The following TRIM36 variants were observed in gnomAD, a reference collection of about 807,000 sequenced individuals.
The protein encoded by TRIM36 is tripartite motif containing 36.
A neutral mutation model predicts 72.4 loss-of-function variants in TRIM36; 42 were observed. The ratio of observed to expected loss-of-function variants is 0.58; its 90% confidence interval spans 0.45 to 0.75. TRIM36 has a LOEUF of 0.75. Among genes scored for constraint, TRIM36 ranks in the 30% least tolerant of loss-of-function variants. TRIM36 has a pLI of 0.00. For synonymous variants in TRIM36, 315 were observed against 282.8 expected (o/e 1.11, Z -1.14); for missense variants, 913 against 857.1 (o/e 1.07, Z -0.81).
At chr5:115,177,965 A>C in intron 1 of TRIM36, 3 of 1,283,248 alleles carry the variant, frequency 2.3e-6, no homozygotes, top group Non-Finnish European at 2.2e-6. Context: ...TAGTGAGCAT[A>C]CTGTGATGAA....
chr5:115,134,663 C>T lies in TRIM36; in HGVS notation c.1211-516G>A, dbSNP rs113509062. Among the ~76,000 whole-genome samples the T allele has an allele frequency of 8.5e-5, 13 of 152,190 alleles. 1 individual carries two copies. Among genetic ancestry groups the T allele is most frequent in the African/African-American group, 3.1e-4 (13 of 41,534 alleles). On this transcript the variant is annotated intron_variant, in intron 7 of 9. Coordinates refer to ENST00000513154, the MANE Select transcript of TRIM36 (RefSeq NM_001300759.2). ...TCAAGTGATTCTCCCGCCTCAGCCTCCCAAGTAGCTGGGATTACAGGTGCG... is the reference window on the plus strand; with the variant it reads ...TCAAGTGATTCTCCCGCCTCAGCCTTCCAAGTAGCTGGGATTACAGGTGCG...
At chr5:115,134,546 A>ATT (rs11341793) in intron 7 of TRIM36, among the ~76,000 whole-genome samples, 1 of 149,774 alleles carries the variant, frequency 6.7e-6, no homozygotes, top group African/African-American at 2.5e-5. Context: ...CTCTCAATGA[A>ATT]TTTTTTTTTT....
chr5:115,133,993 T>C lies in TRIM36; in HGVS notation c.1365A>G (p.Glu455=). The part of the protein sequence containing the change: ...RDDEMSWNEI[E]VCGTSKIIQD... ...GAATTATTTTACTTGTTCCACACAC[T>C]TCTATCTCATTCCATGACATTTCAT... The change falls in exon 8 of 10, where the codon GAA becomes GAG. Residue 455 remains glutamate (E), a synonymous_variant. Coordinates refer to ENST00000513154, the MANE Select transcript of TRIM36 (RefSeq NM_001300759.2). The C allele has an allele frequency of 6.2e-7, 1 of 1,614,004 alleles. No individual in the cohort carries two copies. Among genetic ancestry groups the C allele is most frequent in the Non-Finnish European group, 8.5e-7 (1 of 1,179,946 alleles).
At chr5:115,135,032 C>A (rs1752890025) in intron 7 of TRIM36, among the ~76,000 whole-genome samples, 1 of 148,758 alleles carries the variant, frequency 6.7e-6, no homozygotes, top group African/African-American at 2.5e-5. Flanking sequence ...CCAGTATTTT[C>A]CCCCTCAATG....
upstream of TRIM36, chr5:115,180,161 G>A: frequency 2.2e-6 from 2 of 901,606 alleles, no homozygotes; most frequent in African/African-American, 1.7e-5. Context: ...TGTTAACCAG[G>A]AAAAGAGGGG....
rs182659112 is a variant in TRIM36 at position 115,128,467 on chromosome 5, T to C, written c.1797-1610A>G. ...AAAAAGTTTTTTTAAAAATTGAAAG[T>C]TTAGGCCGGGCGCGGTGGCTCACGC... is the stretch of plus-strand genomic sequence containing the variant. On this transcript the variant is annotated intron_variant, in intron 9 of 9. Coordinates refer to ENST00000513154, the MANE Select transcript of TRIM36 (RefSeq NM_001300759.2). Among the ~76,000 whole-genome samples, 578 of 151,240 alleles carry C rather than the reference T, an allele frequency of 3.8e-3. 6 individuals carry two copies. The highest frequency in any genetic ancestry group is 0.014 in the African/African-American group (563 of 41,252).
intron 2 of TRIM36, among the ~76,000 whole-genome samples, chr5:115,156,873 A>C (rs1191000377): frequency 6.6e-6 from 1 of 152,240 alleles, no homozygotes; most frequent in South Asian, 2.1e-4. Flanking sequence ...CAGCAGAGTA[A>C]ACAGACAACC....
chr5:115,131,495 A>G (rs1247503004), intron 8 of TRIM36, among the ~76,000 whole-genome samples: 3 of 152,106 alleles, frequency 2.0e-5, no homozygotes, highest in Admixed American at 6.6e-5. Context: ...TGATGATACC[A>G]CTCCCATAAG....
chr5:115,169,681 G>A lies in TRIM36; in HGVS notation c.-47C>T. On this transcript the variant is annotated 5_prime_UTR_variant, in exon 1 of 10. Coordinates refer to ENST00000513154, the MANE Select transcript of TRIM36 (RefSeq NM_001300759.2). Reference sequence around the variant, plus strand: ...ATCAGCGGCACGTTCCACTCACACCGGCTACCGAGCGCAGGGTCTGGTGGG... The same window carrying A: ...ATCAGCGGCACGTTCCACTCACACCAGCTACCGAGCGCAGGGTCTGGTGGG... 1.3e-6 allele frequency: 2 copies of A among 1,513,740 alleles called. No homozygotes were observed. Among genetic ancestry groups the A allele is most frequent in the East Asian group, 2.5e-5 (1 of 39,616 alleles). 93.8% of individuals were successfully genotyped at this position (1,513,740 alleles called of 1,614,324 possible). A position where few individuals can be genotyped will look rare whatever the true frequency, so the allele number is the denominator to read the frequency against.
intron 1 of TRIM36, among the ~76,000 whole-genome samples, chr5:115,167,251 G>T (rs1580705825): frequency 1.3e-5 from 2 of 152,288 alleles, no homozygotes; most frequent in East Asian, 3.9e-4. Context: ...CTGTGATGGG[G>T]CTCTCTTCAT....
At chr5:115,179,957 C>G (rs775801431) in intron 1 of TRIM36, 4 of 1,613,454 alleles carry the variant, frequency 2.5e-6, no homozygotes, top group Non-Finnish European at 3.4e-6. Flanking sequence ...CCGCGGCGCC[C>G]CGCGCCTCAT....
At chr5:115,166,091 G>C (rs1419701172) in intron 1 of TRIM36, among the ~76,000 whole-genome samples, 1 of 152,164 alleles carries the variant, frequency 6.6e-6, no homozygotes. Context: ...TGGGCACCAT[G>C]AACAGCAGTG....
chr5:115,128,924 A>G (rs565794649), intron 9 of TRIM36, among the ~76,000 whole-genome samples: 5 of 152,154 alleles, frequency 3.3e-5, no homozygotes, highest in Non-Finnish European at 7.4e-5. Context: ...AAATTCACTC[A>G]TGGATGCACC....
intron 1 of TRIM36, among the ~76,000 whole-genome samples, chr5:115,176,007 TC>T (rs1463141085): frequency 6.6e-6 from 1 of 152,034 alleles, no homozygotes; most frequent in East Asian, 1.9e-4. Flanking sequence ...GTGCCTGTAG[TC>T]CCAGCTACTA....
upstream of TRIM36, chr5:115,171,071 A>T: frequency 6.2e-7 from 1 of 1,613,888 alleles, no homozygotes; most frequent in Non-Finnish European, 8.5e-7. Flanking sequence ...CTGGGTAAGT[A>T]GGGACTACAG....
intron 5 of TRIM36, among the ~76,000 whole-genome samples, chr5:115,138,627 G>A (rs1353801631): frequency 6.6e-6 from 1 of 152,018 alleles, no homozygotes; most frequent in Non-Finnish European, 1.5e-5. Flanking sequence ...TTTACATAAA[G>A]TATATACCAC....
chr5:115,145,704 T>A (rs896600781), intron 3 of TRIM36, among the ~76,000 whole-genome samples: 1 of 152,144 alleles, frequency 6.6e-6, no homozygotes, highest in Non-Finnish European at 1.5e-5. Flanking sequence ...TTTTGTAACT[T>A]ATAGACATTT....
In TRIM36 at chr5:115,163,686, A is replaced by G. The variant is rs780031697; in HGVS notation, c.94T>C (p.Leu32=). The G allele has an allele frequency of 4.3e-6, 7 of 1,614,070 alleles. No individual in the cohort carries two copies. Among genetic ancestry groups the G allele is most frequent in the Admixed American group, 3.3e-5 (2 of 60,000 alleles). ...PACKELFTHP[L]ILPCQHSICH... is the part of the protein sequence containing the mutation. ...ATACTATGTTGGCAAGGGAGAATCA[A>G]TGGGTGGGTAAACAGCTCCTTGCAT... Residue 32 remains leucine (L), a synonymous_variant, in exon 2 of 10, where the codon TTG becomes CTG. Coordinates refer to ENST00000513154, the MANE Select transcript of TRIM36 (RefSeq NM_001300759.2).
intron 2 of TRIM36, among the ~76,000 whole-genome samples, chr5:115,151,295 A>G (rs886099814): frequency 6.6e-6 from 1 of 152,140 alleles, no homozygotes; most frequent in African/African-American, 2.4e-5. Context: ...GACACAGCAG[A>G]GGTGGCCATA....
Sources: gnomAD v4.1 joint callset for allele counts (sites outside exome capture counted in the v4.1 genomes callset) on GRCh38, gnomAD v4.1.1 for gene constraint, MANE v1.5 for transcripts, NCBI Gene and HGNC (gene_info 2026-07-23, HGNC 2026-07-21) for gene names.